EP400: variants seen among roughly 807,000 people sequenced by gnomAD.
EP400 encodes E1A-binding protein p400.
EP400 carries 105 observed loss-of-function variants against 354.1 expected under a neutral mutation model. That is an observed-to-expected ratio of 0.30 (90% CI 0.25 to 0.35). The LOEUF (loss-of-function observed/expected upper bound fraction) is 0.35. Among genes scored for constraint, EP400 ranks in the 10% least tolerant of loss-of-function variants. EP400 has a pLI of 1.00. For missense variants in EP400, 3,280 were observed against 4,121.0 expected (o/e 0.80, Z 5.59); for synonymous variants, 1,646 against 1,716.9 (o/e 0.96, Z 1.02).
intron 38 of EP400, 24 bp downstream of exon 38, chr12:132,045,584 C>A (rs779737751): frequency 6.2e-7 from 1 of 1,612,458 alleles, no homozygotes; most frequent in Non-Finnish European, 8.5e-7. Context: ...GTCTTTGTGC[C>A]AGCGGTCATG....
chr12:132,017,489 T>G lies in EP400; in HGVS notation c.3924-46T>G, dbSNP rs748239973. 1.9e-6 allele frequency: 3 copies of G among 1,599,276 alleles called. No individual in the cohort carries two copies. In the African/African-American group the frequency reaches 4.0e-5, roughly 21 times the overall value. ...GATGGTGAGGGTGGGACTATGTCCA[T>G]GTGCCGTTTGGATTGAATGCTTCGT... On this transcript the variant is annotated intron_variant, in intron 19 of 52. Transcript: ENST00000389561. The surrounding 1 kb of genome is among the most constrained non-coding windows in gnomAD (Gnocchi z 5.0).
intron 7 of EP400, among the ~76,000 whole-genome samples, chr12:131,989,039 C>T (rs1236384266): frequency 2.0e-5 from 3 of 152,220 alleles, no homozygotes; most frequent in Non-Finnish European, 4.4e-5. Context: ...AGAAGATAGT[C>T]CTGAACATGG....
At chr12:131,965,234 C>T (rs1366063852) in intron 2 of EP400, among the ~76,000 whole-genome samples, 1 of 152,160 alleles carries the variant, frequency 6.6e-6, no homozygotes, top group African/African-American at 2.4e-5. Flanking sequence ...CCAGGCCTGT[C>T]CAGTGGAAAT....
At position 132,044,722 on chromosome 12, in the gene EP400, G is replaced by T; in HGVS notation, c.6630+7G>T. On this transcript the variant is annotated splice_region_variant and intron_variant, in intron 36 of 52. Transcript: ENST00000389561. ...GCAGACAGAAGTCATGCCGGTGAGT[G>T]CTGCCCTCTCCCTTTGTGTCTGTGT... 6.2e-7 allele frequency: 1 copy of T among 1,614,200 alleles called. No homozygotes were observed. Among genetic ancestry groups the T allele is most frequent in the Non-Finnish European group, 8.5e-7 (1 of 1,180,044 alleles).
At position 132,079,656 on chromosome 12, in the gene EP400, A is replaced by G. The variant is rs1472985469; in HGVS notation, c.*1983A>G. On this transcript the variant is annotated 3_prime_UTR_variant, in exon 53 of 53. Coordinates refer to ENST00000389561, the MANE Select transcript of EP400 (RefSeq NM_015409.5). ...AAGCGCTCTATTAATCTAAAACACT[A>G]CAAGAGAATTTAACACCATCTCTCA... 6.6e-6 allele frequency: 1 copy of G among 152,278 alleles called. No individual in the cohort carries two copies. Among genetic ancestry groups the G allele is most frequent in the Non-Finnish European group, 1.5e-5 (1 of 68,052 alleles). 9.4% of individuals were successfully genotyped at this position (152,278 alleles called of 1,614,324 possible). A position where few individuals can be genotyped will look rare whatever the true frequency, so the allele number is the denominator to read the frequency against.
chr12:132,013,017 C>T lies in EP400; in HGVS notation c.3450C>T (p.Ala1150=), dbSNP rs759145972. The change falls in exon 17 of 53, where the codon GCC becomes GCT. Residue 1150 remains alanine, a synonymous_variant. Coordinates refer to ENST00000389561, the MANE Select transcript of EP400 (RefSeq NM_015409.5). This position sits in a 1 kb window ranked among gnomAD's most constrained non-coding sequence, Gnocchi z 4.5. The part of the protein sequence containing the change: ...RELKAKRQEW[A]EPNSFHVCIT... ...TCCTCTCTGTGCTGCAGGAGTGGGC[C>T]GAACCCAACAGCTTCCACGTCTGCA... 1.4e-5 allele frequency: 22 copies of T among 1,610,132 alleles called. No individual in the cohort carries two copies. Among genetic ancestry groups the T allele is most frequent in the Non-Finnish European group, 1.5e-5 (18 of 1,178,184 alleles).
At position 132,070,834 on chromosome 12, in the gene EP400, A is replaced by G. The variant is rs1896045906; in HGVS notation, c.9021+1193A>G. ...ATTTTTTGATGCTTTTGTAAATGGT[A>G]TGCTTTTAATTTCCATTTTCTGTCT... On this transcript the variant is annotated intron_variant, in intron 51 of 52. Transcript: ENST00000389561. The surrounding 1 kb of genome is among the most constrained non-coding windows in gnomAD (Gnocchi z 4.1). 6.6e-6 allele frequency among the ~76,000 whole-genome samples: 1 copy of G among 152,184 alleles called. No homozygotes were observed. Among genetic ancestry groups the G allele is most frequent in the South Asian group, 2.1e-4 (1 of 4,830 alleles).
intron 45 of EP400, among the ~76,000 whole-genome samples, chr12:132,057,308 C>CA (rs1249623468): frequency 6.6e-6 from 1 of 152,246 alleles, no homozygotes; most frequent in African/African-American, 2.4e-5. Flanking sequence ...TACATTCATA[C>CA]AGCCCAGTCC....
At chr12:131,996,908 G>A (rs1397205004) in intron 12 of EP400, among the ~76,000 whole-genome samples, 1 of 152,104 alleles carries the variant, frequency 6.6e-6, no homozygotes, top group African/African-American at 2.4e-5. Context: ...TTCCCAGTTG[G>A]TGGTGTGTCT....
Position 131,961,378 on chromosome 12 carries a change from G to C in EP400, c.759G>C (p.Leu253=). The C allele has an allele frequency of 2.1e-6, 3 of 1,412,506 alleles. No individual in the cohort carries two copies. The highest frequency in any genetic ancestry group is 1.9e-6 in the Non-Finnish European group (2 of 1,028,610). The allele number at this position is 1,412,506 out of a possible 1,614,324, so 87.5% of individuals were successfully genotyped here. A position where few individuals can be genotyped will look rare whatever the true frequency, so the allele number is the denominator to read the frequency against. ...AAAGGAGLQP[L]ASPSHITTAN... ...CGGGTGGGGCCGGCCTGCAGCCCCT[G>C]GCCAGCCCAAGCCACATCACCACGG... The change falls in exon 2 of 53, where the codon CTG becomes CTC. Residue 253 remains leucine (L), a synonymous_variant. Transcript: ENST00000389561.
chr12:132,001,019 C>T lies in EP400; in HGVS notation c.2828-4058C>T, dbSNP rs946423154. 4.1e-4 allele frequency among the ~76,000 whole-genome samples: 62 copies of T among 152,160 alleles called. 1 individual carries two copies. The highest frequency in any genetic ancestry group is 2.4e-5 in the African/African-American group (1 of 41,426). On this transcript the variant is annotated intron_variant, in intron 12 of 52. Coordinates refer to ENST00000389561, the MANE Select transcript of EP400 (RefSeq NM_015409.5). ...CTGCTGATGGTACATTGTTTCCTAG[C>T]GTACTTTGTGATTTTTGACAATTTA...
chr12:132,064,026 C>CA (rs1388355171), intron 47 of EP400, among the ~76,000 whole-genome samples: 1 of 83,618 alleles, frequency 1.2e-5, no homozygotes, highest in Non-Finnish European at 2.0e-5. Flanking sequence ...CACTGATGAC[C>CA]CCCCCCCGGC....
chr12:131,954,357 CAGG>C (rs1891620819), intron 1 of EP400, among the ~76,000 whole-genome samples: 1 of 151,984 alleles, frequency 6.6e-6, no homozygotes. Context: ...GAGATTAAGG[CAGG>C]AGAATTGTTT....
intron 4 of EP400, 148 bp from the exon 5 acceptor site, chr12:131,981,945 T>G: frequency 8.4e-6 from 9 of 1,076,284 alleles, no homozygotes; most frequent in Non-Finnish European, 1.2e-5. Flanking sequence ...TCTTTCCTTT[T>G]GTGTGTGCTC....
chr12:132,066,204 G>A (rs1389904288), intron 48 of EP400: 1 of 152,456 alleles, frequency 6.6e-6, no homozygotes, highest in African/African-American at 2.4e-5. Context: ...GTGGCTGAAG[G>A]CTAAATACCA....
chr12:132,002,442 A>G (rs1381937231), intron 12 of EP400, among the ~76,000 whole-genome samples: 2 of 149,912 alleles, frequency 1.3e-5, no homozygotes, highest in Non-Finnish European at 2.9e-5. Context: ...TAGATATCCT[A>G]TTAAATTAGC....
chr12:132,021,269 C>T lies in EP400; in HGVS notation c.4638C>T (p.Ser1546=), dbSNP rs747730843. ...PQAPSHAAGQ[S]ALPQRLVLPS... Reference sequence around the variant, plus strand: ...CCCCCTCGCACGCGGCCGGGCAGAGCGCGCTGCCTCAGAGGCTGGTGCTCC... The same window carrying T: ...CCCCCTCGCACGCGGCCGGGCAGAGTGCGCTGCCTCAGAGGCTGGTGCTCC... The change falls in exon 23 of 53, where the codon AGC becomes AGT. Residue 1546 remains serine, a synonymous_variant. Transcript: ENST00000389561. 2.2e-5 allele frequency: 33 copies of T among 1,532,016 alleles called. No homozygotes were observed. The highest frequency in any genetic ancestry group is 6.9e-5 in the African/African-American group (5 of 72,808). The allele number at this position is 1,532,016 out of a possible 1,614,324, so 94.9% of individuals were successfully genotyped here.
intron 47 of EP400, among the ~76,000 whole-genome samples, chr12:132,063,655 G>C (rs189140550): frequency 2.0e-5 from 3 of 152,284 alleles, no homozygotes; most frequent in Admixed American, 6.5e-5. Context: ...TTGAGTCTGG[G>C]CCTCTCCGTG....
At chr12:131,970,083 C>T (rs1226570812) in intron 2 of EP400, among the ~76,000 whole-genome samples, 1 of 152,138 alleles carries the variant, frequency 6.6e-6, no homozygotes, top group East Asian at 1.9e-4. Context: ...GAAGATAACT[C>T]TTAAGTTGGA....
Sources: allele counts gnomAD v4.1 joint callset (sites outside exome capture counted in the v4.1 genomes callset), GRCh38; gene constraint gnomAD v4.1.1; non-coding constraint Gnocchi (gnomAD v3.1); transcripts MANE v1.5; gene names NCBI Gene and HGNC (gene_info 2026-07-23, HGNC 2026-07-21).